The following LHFPL3 variants were observed in gnomAD, a reference collection of about 807,000 sequenced individuals.
LHFPL3 encodes the protein LHFPL tetraspan subfamily member 3 protein.
In LHFPL3, 5 loss-of-function variants were observed where a neutral mutation model predicts 19.3. That is an observed-to-expected ratio of 0.26 (90% CI 0.14 to 0.54). LHFPL3 has a LOEUF of 0.54. Ranked by LOEUF, LHFPL3 falls within the 20% of genes least tolerant of loss-of-function variation. The probability of loss-of-function intolerance (pLI) is 0.94; values close to 1 mark genes in which losing one functional copy is unlikely to be tolerated. For missense variants in LHFPL3, 249 were observed against 307.4 expected, an observed-to-expected ratio of 0.81 and a Z score of 1.42; for synonymous variants, 133 against 126.2, an observed-to-expected ratio of 1.05 and a Z score of -0.36.
chr7:104,670,902 C>G lies in LHFPL3; in HGVS notation c.446-65773C>G, dbSNP rs185239298. On this transcript the variant is annotated intron_variant, in intron 1 of 2. Transcript: ENST00000424859. ...TTTAAGCTTCCCTTGAGAGAATAAA[C>G]GGAAATGGAGAGAACTATTTAACAA... Among the ~76,000 whole-genome samples, 289 of 148,742 alleles carry G rather than the reference C, an allele frequency of 1.9e-3. 1 individual carries two copies. Among genetic ancestry groups the G allele is most frequent in the Non-Finnish European group, 3.6e-3 (240 of 67,448 alleles).
At chr7:104,488,529 G>C (rs1213875391) in intron 1 of LHFPL3, among the ~76,000 whole-genome samples, 2 of 150,756 alleles carry the variant, frequency 1.3e-5, no homozygotes, top group African/African-American at 2.4e-5. Context: ...TGTATAATCT[G>C]TCTCTCTCTC....
intron 1 of LHFPL3, among the ~76,000 whole-genome samples, chr7:104,519,548 G>T (rs775085866): frequency 2.6e-5 from 4 of 152,072 alleles, no homozygotes; most frequent in Admixed American, 6.6e-5. Flanking sequence ...AGGGAAACTG[G>T]CACCTTTAAA....
rs191470909 is a variant in LHFPL3, at chr7:104,672,597, A to G, written c.446-64078A>G. The stretch of plus-strand genomic sequence containing the variant: ...TCGATGAGGGAATTAGCATCATAAG[A>G]TCATGGATATGCCCAACACTTAGCG... On this transcript the variant is annotated intron_variant, in intron 1 of 2. Coordinates refer to ENST00000424859, the MANE Select transcript of LHFPL3 (RefSeq NM_199000.3). Among the ~76,000 whole-genome samples, 268 of 152,332 alleles carry G rather than the reference A, an allele frequency of 1.8e-3. 2 individuals carry two copies. Among genetic ancestry groups the G allele is most frequent in the African/African-American group, 6.0e-3 (249 of 41,582 alleles).
intron 1 of LHFPL3, among the ~76,000 whole-genome samples, chr7:104,458,973 G>A (rs997145011): frequency 1.3e-5 from 2 of 152,212 alleles, no homozygotes; most frequent in African/African-American, 4.8e-5. Context: ...AAAGGATCTT[G>A]GCACCTAAGC....
chr7:104,808,191 G>A (rs1375951516), intron 2 of LHFPL3, among the ~76,000 whole-genome samples: 1 of 152,174 alleles, frequency 6.6e-6, no homozygotes, highest in African/African-American at 2.4e-5. Context: ...TTCAGAAACT[G>A]AAATGCCCAG....
intron 1 of LHFPL3, among the ~76,000 whole-genome samples, chr7:104,498,797 A>C (rs1793541273): frequency 6.6e-6 from 1 of 152,138 alleles, no homozygotes; most frequent in Non-Finnish European, 1.5e-5. Flanking sequence ...TTTTAATAAA[A>C]CTTTATTTTC....
At chr7:104,655,354 G>T (rs889846720) in intron 1 of LHFPL3, among the ~76,000 whole-genome samples, 1 of 152,138 alleles carries the variant, frequency 6.6e-6, no homozygotes, top group Non-Finnish European at 1.5e-5. Flanking sequence ...AAGTAGGCAG[G>T]TATCTGGGTT....
chr7:104,610,877 C>G (rs1303256325), intron 1 of LHFPL3, among the ~76,000 whole-genome samples: 1 of 152,176 alleles, frequency 6.6e-6, no homozygotes, highest in Non-Finnish European at 1.5e-5. Context: ...AGATGAGTAA[C>G]AAAAAGTAAA....
chr7:104,631,534 G>A lies in LHFPL3; in HGVS notation c.446-105141G>A, dbSNP rs2193214. The stretch of plus-strand genomic sequence containing the variant: ...TTGTGAAAAAGACTGGGTTGGAGGA[G>A]GAGGGTGATTGTTAGTTTGCTATAA... On this transcript the variant is annotated intron_variant, in intron 1 of 2. Coordinates refer to ENST00000424859, the MANE Select transcript of LHFPL3 (RefSeq NM_199000.3). Among the ~76,000 whole-genome samples, 613 of 152,318 alleles carry A rather than the reference G, an allele frequency of 4.0e-3. 35 individuals are homozygous for A. The East Asian group carries it at 0.099, about 25-fold the overall frequency.
chr7:104,572,758 A>G lies in LHFPL3; in HGVS notation c.446-163917A>G, dbSNP rs111544201. ...TCCTAAGTCTGTAATTTCACTGCTG[A>G]GTAGGCATTTTAGGGTCCACATTGA... is the stretch of plus-strand genomic sequence containing the variant. On this transcript the variant is annotated intron_variant, in intron 1 of 2. Coordinates refer to ENST00000424859, the MANE Select transcript of LHFPL3 (RefSeq NM_199000.3). Among the ~76,000 whole-genome samples the G allele has an allele frequency of 1.7e-3, 266 of 152,294 alleles. 3 individuals carry two copies. The highest frequency in any genetic ancestry group is 5.7e-3 in the African/African-American group (236 of 41,572).
At chr7:104,566,314 A>G (rs1790124023) in intron 1 of LHFPL3, among the ~76,000 whole-genome samples, 1 of 152,094 alleles carries the variant, frequency 6.6e-6, no homozygotes, top group Non-Finnish European at 1.5e-5. Context: ...CCACATCACT[A>G]CACTCCAGCC....
chr7:104,473,734 C>T (rs1009011516), intron 1 of LHFPL3, among the ~76,000 whole-genome samples: 1 of 152,208 alleles, frequency 6.6e-6, no homozygotes, highest in Non-Finnish European at 1.5e-5. Flanking sequence ...CTACATAAAG[C>T]ATTTAGAATA....
chr7:104,378,808 T>G (rs1367524283), intron 1 of LHFPL3, among the ~76,000 whole-genome samples: 2 of 152,220 alleles, frequency 1.3e-5, no homozygotes, highest in Non-Finnish European at 2.9e-5. Context: ...TTCAGTGAAG[T>G]GTCTTTTCAA....
At chr7:104,435,493 T>G (rs1318666275) in intron 1 of LHFPL3, among the ~76,000 whole-genome samples, 1 of 151,068 alleles carries the variant, frequency 6.6e-6, no homozygotes, top group African/African-American at 2.4e-5. Flanking sequence ...TAAAATGACT[T>G]TTTATAAAAA....
chr7:104,824,922 T>C (rs1477005593), intron 2 of LHFPL3, among the ~76,000 whole-genome samples: 2 of 139,900 alleles, frequency 1.4e-5, no homozygotes, highest in Non-Finnish European at 3.0e-5. Context: ...AATTTTATAA[T>C]ATATATACTA....
At chr7:104,879,825 G>C (rs965838926) in intron 2 of LHFPL3, among the ~76,000 whole-genome samples, 1 of 152,190 alleles carries the variant, frequency 6.6e-6, no homozygotes, top group Admixed American at 6.5e-5. Flanking sequence ...TTTTCGTGTA[G>C]ACAAAACAGC....
chr7:104,519,514 A>C (rs927461132), intron 1 of LHFPL3, among the ~76,000 whole-genome samples: 12 of 152,182 alleles, frequency 7.9e-5, no homozygotes, highest in African/African-American at 2.9e-4. Context: ...AATAAGATAG[A>C]AACCAGTTTA....
At chr7:104,715,030 T>C (rs750329148) in intron 1 of LHFPL3, among the ~76,000 whole-genome samples, 24 of 152,180 alleles carry the variant, frequency 1.6e-4, no homozygotes, top group Middle Eastern at 3.4e-3. Context: ...AAAGTGTGAC[T>C]TGGGTGCCTA....
chr7:104,699,890 C>T (rs78503483), intron 1 of LHFPL3, among the ~76,000 whole-genome samples: 1,977 of 152,214 alleles, frequency 0.013, 38 homozygotes, highest in African/African-American at 0.044. Context: ...ATCTGTAATC[C>T]GTTCTGTCAG....
Sources: allele counts gnomAD v4.1 joint callset (sites outside exome capture counted in the v4.1 genomes callset), GRCh38; gene constraint gnomAD v4.1.1; transcripts MANE v1.5; gene names NCBI Gene and HGNC (gene_info 2026-07-23, HGNC 2026-07-21).